TTC7A: variants seen among roughly 807,000 people sequenced by gnomAD.
The protein encoded by TTC7A is tetratricopeptide repeat protein 7A.
In TTC7A, 110 loss-of-function variants were observed where a neutral mutation model predicts 103.7. The observed-to-expected ratio is 1.06, with a 90% CI of 0.91 to 1.24. The LOEUF is 1.24. TTC7A is among the 50% of genes most tolerant of loss of function. The pLI is 0.00. For synonymous variants in TTC7A, 521 were observed against 467.9 expected, an observed-to-expected ratio of 1.11 and a Z score of -1.47; for missense variants, 1,340 against 1,116.3, an observed-to-expected ratio of 1.20 and a Z score of -2.86.
intron 8 of TTC7A, among the ~76,000 whole-genome samples, chr2:47,001,544 GTGACAAT>G (rs1676804276): frequency 6.6e-6 from 1 of 152,172 alleles, no homozygotes. Context: ...GACGGTGGAT[GTGACAAT>G]TCAGCTTCTA....
intron 15 of TTC7A, among the ~76,000 whole-genome samples, chr2:47,042,371 C>T (rs1414128283): frequency 6.6e-6 from 1 of 151,992 alleles, no homozygotes; most frequent in African/African-American, 2.4e-5. Context: ...TGTGGTGGCC[C>T]ATGCCTGTTA....
intron 8 of TTC7A, among the ~76,000 whole-genome samples, chr2:47,002,300 G>A (rs967673902): frequency 3.3e-5 from 5 of 152,222 alleles, no homozygotes; most frequent in Admixed American, 3.3e-4. Flanking sequence ...TTATGGCAGT[G>A]CACACTAGGC....
chr2:47,067,005 G>T (rs530745716), intron 19 of TTC7A, among the ~76,000 whole-genome samples: 1 of 152,356 alleles, frequency 6.6e-6, no homozygotes, highest in African/African-American at 2.4e-5. Context: ...AGGTGGAGGG[G>T]CAAGAGAGTG....
At chr2:46,991,038 G>A (rs575945443) in intron 5 of TTC7A, among the ~76,000 whole-genome samples, 2 of 152,098 alleles carry the variant, frequency 1.3e-5, no homozygotes, top group Non-Finnish European at 2.9e-5. Context: ...TCAGCTTCCC[G>A]AATAGCTGGG....
At position 46,975,330 on chromosome 2, in the gene TTC7A, G is replaced by T. The variant is rs555185475; in HGVS notation, c.648+227G>T. 3.9e-5 allele frequency among the ~76,000 whole-genome samples: 6 copies of T among 152,272 alleles called. 1 individual carries two copies. Among genetic ancestry groups the T allele is most frequent in the African/African-American group, 1.4e-4 (6 of 41,554 alleles). On this transcript the variant is annotated intron_variant, in intron 4 of 19. Transcript: ENST00000319190. The stretch of plus-strand genomic sequence containing the variant: ...TTTGATAAATGAGTCCATGCCATCC[G>T]CTAGGATGTTTAATAGATGAGCTTT...
intron 3 of TTC7A, among the ~76,000 whole-genome samples, chr2:46,959,980 T>C (rs1364602304): frequency 2.0e-5 from 3 of 152,172 alleles, no homozygotes; most frequent in African/African-American, 4.8e-5. Context: ...CCCACTAAGA[T>C]AGAAAAATAA....
chr2:46,948,815 G>C (rs1259622670), intron 1 of TTC7A, among the ~76,000 whole-genome samples: 2 of 152,204 alleles, frequency 1.3e-5, no homozygotes, highest in Admixed American at 6.5e-5. Flanking sequence ...GTGGTATCCT[G>C]AGAGTGAGGA....
chr2:47,047,751 A>G (rs923387515), intron 16 of TTC7A, among the ~76,000 whole-genome samples: 4 of 152,194 alleles, frequency 2.6e-5, no homozygotes, highest in Admixed American at 6.5e-5. Context: ...GACCTGGCCT[A>G]TGCCTCCCTT....
At chr2:47,015,877 C>A (rs1406527931) in intron 11 of TTC7A, among the ~76,000 whole-genome samples, 1 of 152,110 alleles carries the variant, frequency 6.6e-6, no homozygotes, top group Non-Finnish European at 1.5e-5. Context: ...GCCTACTACT[C>A]CTCCCAGGGA....
rs1682883241 is a variant in TTC7A, at chr2:47,051,816, T to G, written c.2088T>G (p.Ser696=). Residue 696 remains serine, a synonymous_variant, in exon 18 of 20, where the codon TCT becomes TCG. Transcript: ENST00000319190. ...CCATGTCAGAGCTGACTATGCCCTC[T>G]TCGGTCCTGAAGCAGGGCCCCATGC... is the stretch of plus-strand genomic sequence containing the variant. ...EEAMSELTMP[S]SVLKQGPMQL... is the part of the protein sequence containing the mutation. 6.2e-7 allele frequency: 1 copy of G among 1,612,206 alleles called. No individual in the cohort carries two copies. Among genetic ancestry groups the G allele is most frequent in the Non-Finnish European group, 8.5e-7 (1 of 1,179,824 alleles).
intron 8 of TTC7A, among the ~76,000 whole-genome samples, chr2:46,997,926 G>A (rs1428221329): frequency 1.3e-5 from 2 of 152,120 alleles, no homozygotes; most frequent in African/African-American, 4.8e-5. Flanking sequence ...AGTGGAGAAT[G>A]GCCTTTTACA....
upstream of TTC7A, chr2:46,916,011 C>A: frequency 1.0e-6 from 1 of 985,486 alleles, no homozygotes; most frequent in Admixed American, 6.1e-5. Flanking sequence ...CTCGGCTCCA[C>A]TCCAGTTGGG....
Position 47,009,498 on chromosome 2 carries a change from G to GA in TTC7A, c.1288-1830dup, listed in dbSNP as rs535695418. Among the ~76,000 whole-genome samples the GA allele has an allele frequency of 2.5e-3, 387 of 152,284 alleles. 1 individual carries two copies. The highest frequency in any genetic ancestry group is 9.0e-3 in the African/African-American group (374 of 41,564). ...TAATAAGTCTGAGCCAAAGCCCAGG[G>GA]AAATCTATCACGTCTGGGTTGAGAA... On this transcript the variant is annotated intron_variant, in intron 10 of 19. Transcript: ENST00000319190.
At chr2:47,054,069 T>C in intron 18 of TTC7A, 1 of 977,110 alleles carries the variant, frequency 1.0e-6, no homozygotes. Context: ...TGAGCCTTTC[T>C]TCTTTGGTCA....
chr2:47,021,836 A>G lies in TTC7A; in HGVS notation c.1393-26A>G, dbSNP rs1298215587. On this transcript the variant is annotated intron_variant, in intron 11 of 19. Transcript: ENST00000319190. The stretch of plus-strand genomic sequence containing the variant: ...TAGAGGAAACTCCAACCCCACCTCC[A>G]TGACCTCTGTCTCTCCTCTTTGCAG... 15 of 1,598,040 alleles carry G rather than the reference A, an allele frequency of 9.4e-6. No homozygotes were observed. In the Admixed American group the frequency reaches 1.0e-4, roughly 11 times the overall value.
chr2:46,969,270 G>A (rs551551419), intron 3 of TTC7A, among the ~76,000 whole-genome samples: 20 of 151,870 alleles, frequency 1.3e-4, no homozygotes, highest in African/African-American at 3.4e-4. Context: ...TTGGGAGGCC[G>A]AGGCGGGTGG....
Position 47,051,769 on chromosome 2 carries a change from G to T in TTC7A, c.2041G>T (p.Ala681Ser). 1 of 1,610,572 alleles carries T rather than the reference G, an allele frequency of 6.2e-7. No individual in the cohort carries two copies. The highest frequency in any genetic ancestry group is 2.2e-5 in the East Asian group (1 of 44,860). The change falls in exon 18 of 20, where the codon GCC becomes TCC. Residue 681 changes from alanine (A) to serine (S), a missense_variant. Coordinates refer to ENST00000319190, the MANE Select transcript of TTC7A (RefSeq NM_020458.4). ...DSGSRRASSI[A>S]ASRLEEAMSE... is the part of the protein sequence containing the mutation. ...AGGCTCCCGGCGGGCTTCGTCCATC[G>T]CCGCCTCCCGGCTGGAGGAGGCCAT...
intron 1 of TTC7A, among the ~76,000 whole-genome samples, chr2:46,943,009 G>A (rs1373788163): frequency 1.3e-5 from 2 of 152,074 alleles, no homozygotes; most frequent in East Asian, 1.9e-4. Context: ...GGGCTCAAGC[G>A]ATCATTCCAC....
intron 3 of TTC7A, chr2:46,958,480 C>T (rs1451338566): frequency 9.2e-6 from 12 of 1,304,060 alleles, no homozygotes; most frequent in African/African-American, 1.5e-5. Context: ...GTCTCCTGCT[C>T]TCTCCTCTTT....
Sources: allele counts gnomAD v4.1 joint callset (sites outside exome capture counted in the v4.1 genomes callset), GRCh38; gene constraint gnomAD v4.1.1; transcripts MANE v1.5; gene names NCBI Gene and HGNC (gene_info 2026-07-23, HGNC 2026-07-21).